DZIP1: variants seen among roughly 807,000 people sequenced by gnomAD.
DZIP1 encodes the protein cilium assembly protein DZIP1.
Under a neutral mutation model 107.6 loss-of-function variants are expected in DZIP1, and 97 were observed. The observed-to-expected ratio is 0.90, with a 90% confidence interval of 0.77 to 1.07. The LOEUF (loss-of-function observed/expected upper bound fraction) is 1.07. Among genes scored for constraint, DZIP1 ranks in the 50% least tolerant of loss-of-function variants. DZIP1 has a pLI of 0.00. For missense variants in DZIP1, 1,035 were observed against 1,063.6 expected (o/e 0.97, Z 0.37); for synonymous variants, 390 against 386.4 (o/e 1.01, Z -0.11).
At chr13:95,582,418 T>G in intron 22 of DZIP1, 105 bp from the exon 23 acceptor site, 1 of 938,110 alleles carries the variant, frequency 1.1e-6, no homozygotes, top group Non-Finnish European at 1.7e-6. Flanking sequence ...AATCACTCAG[T>G]GTCTAAATCT....
intron 16 of DZIP1, 86 bp downstream of exon 16, chr13:95,593,858 T>G: frequency 6.8e-7 from 1 of 1,470,966 alleles, no homozygotes. Context: ...AGAATTGATG[T>G]GCTTTCTTCT....
chr13:95,607,001 A>T (rs1219519873), intron 13 of DZIP1, among the ~76,000 whole-genome samples: 1 of 152,132 alleles, frequency 6.6e-6, no homozygotes, highest in African/African-American at 2.4e-5. Context: ...TTTTAATTCT[A>T]ATCTTACCCT....
chr13:95,610,313 G>GTT (rs60681714), intron 12 of DZIP1, among the ~76,000 whole-genome samples: 54 of 146,004 alleles, frequency 3.7e-4, no homozygotes, highest in East Asian at 2.0e-3. Context: ...GAGTTTTTTG[G>GTT]TTTTTTTTTT....
intron 9 of DZIP1, among the ~76,000 whole-genome samples, chr13:95,620,616 A>G (rs1314586779): frequency 3.3e-5 from 5 of 152,178 alleles, no homozygotes; most frequent in Admixed American, 6.5e-5. Flanking sequence ...GTCATTCCAC[A>G]ACTGTATTGG....
intron 21 of DZIP1, 92 bp downstream of exon 21, chr13:95,585,914 A>G (rs2044147041): frequency 2.3e-6 from 3 of 1,291,004 alleles, no homozygotes; most frequent in Middle Eastern, 2.7e-4. Flanking sequence ...CCAGCTAACT[A>G]TCTGTTTTAT....
At position 95,622,412 on chromosome 13, in the gene DZIP1, G is replaced by C. The variant is rs199815853; in HGVS notation, c.1041C>G (p.His347Gln). 3 of 1,614,156 alleles carry C rather than the reference G, an allele frequency of 1.9e-6. No homozygotes were observed. The highest frequency in any genetic ancestry group is 2.5e-6 in the Non-Finnish European group (3 of 1,180,008). The change falls in exon 9 of 23, where the codon CAC (histidine) becomes CAG (glutamine). Residue 347 changes from histidine to glutamine, a missense_variant. Physicochemically the swap from His to Gln is conservative, Grantham distance 24 (BLOSUM62 0). Transcript: ENST00000376829. ...KSNIGTLKDA[H>Q]EFKEDRSPYP... ...ATGGAGAACGGTCTTCTTTAAACTC[G>C]TGTGCATCTTTTAATGTGCCTATGT... is the stretch of plus-strand genomic sequence containing the variant.
At chr13:95,632,185 C>T (rs1877272487) in intron 6 of DZIP1, among the ~76,000 whole-genome samples, 1 of 152,126 alleles carries the variant, frequency 6.6e-6, no homozygotes, top group Non-Finnish European at 1.5e-5. Context: ...ACCAGCTCTA[C>T]TCCAGTGATT....
chr13:95,612,593 GT>G (rs200402819), intron 10 of DZIP1, among the ~76,000 whole-genome samples: 1 of 150,950 alleles, frequency 6.6e-6, no homozygotes, highest in Non-Finnish European at 1.5e-5. Context: ...TTTTGTTGTT[GT>G]TTTTTTTTGA....
chr13:95,622,882 A>G (rs771767910), intron 8 of DZIP1, among the ~76,000 whole-genome samples: 1 of 151,878 alleles, frequency 6.6e-6, no homozygotes, highest in Non-Finnish European at 1.5e-5. Flanking sequence ...AGCTGGGACT[A>G]CAGGCGTGCA....
chr13:95,620,074 A>G (rs1422466208), intron 9 of DZIP1, 127 bp from the exon 10 acceptor site: 6 of 989,424 alleles, frequency 6.1e-6, no homozygotes, highest in Non-Finnish European at 8.9e-6. Context: ...TAGCTAGTGA[A>G]ACAGTTTGGC....
intron 13 of DZIP1, among the ~76,000 whole-genome samples, chr13:95,607,165 G>T (rs2044808534): frequency 6.6e-6 from 1 of 152,110 alleles, no homozygotes; most frequent in Non-Finnish European, 1.5e-5. Flanking sequence ...TCCTGCCTCA[G>T]CCTCCTGAGT....
intron 9 of DZIP1, among the ~76,000 whole-genome samples, chr13:95,620,417 A>G (rs565039708): frequency 1.3e-5 from 2 of 152,222 alleles, no homozygotes; most frequent in Non-Finnish European, 2.9e-5. Flanking sequence ...GTAGTATTAG[A>G]ACAGACTAAT....
At chr13:95,639,793 C>T (rs1878271890) in intron 5 of DZIP1, among the ~76,000 whole-genome samples, 1 of 151,780 alleles carries the variant, frequency 6.6e-6, no homozygotes, top group African/African-American at 2.4e-5. Context: ...AAATAGAATC[C>T]ATTATATTCG....
Position 95,584,849 on chromosome 13 carries a change from C to T in DZIP1, c.2411G>A (p.Gly804Glu), listed in dbSNP as rs1016281699. 4 of 1,613,866 alleles carry T rather than the reference C, an allele frequency of 2.5e-6. No individual in the cohort carries two copies. Among genetic ancestry groups the T allele is most frequent in the Non-Finnish European group, 3.4e-6 (4 of 1,179,956 alleles). Residue 804 changes from glycine (G) to glutamate (E), a missense_variant, in exon 22 of 23, where the codon GGA becomes GAA. Gly to Glu is a moderately conservative substitution (Grantham distance 98). Transcript: ENST00000376829. ...CTTCTGTTCTTTCCCAGATTTTTTT[C>T]CCAAAGATATCTCTTCCTCTAGGGA... ...ISSLEEEISL[G>E]KKSGKEQKEP...
intron 15 of DZIP1, among the ~76,000 whole-genome samples, chr13:95,598,770 A>G (rs2044531204): frequency 6.6e-6 from 1 of 152,188 alleles, no homozygotes; most frequent in South Asian, 2.1e-4. Context: ...TTCTTCATAG[A>G]CTTTAAAAAC....
At chr13:95,617,990 A>G (rs757863492) in intron 10 of DZIP1, 59 of 518,958 alleles carry the variant, frequency 1.1e-4, no homozygotes, top group Admixed American at 1.1e-3. Flanking sequence ...AACAAACCCA[A>G]GAACTTCATC....
chr13:95,598,839 A>G (rs1378644768), intron 15 of DZIP1, among the ~76,000 whole-genome samples: 1 of 152,196 alleles, frequency 6.6e-6, no homozygotes, highest in Non-Finnish European at 1.5e-5. Context: ...AGTAATAATT[A>G]TCTCCCAACA....
At chr13:95,610,899 G>C (rs2044980825) in intron 12 of DZIP1, among the ~76,000 whole-genome samples, 1 of 152,126 alleles carries the variant, frequency 6.6e-6, no homozygotes, top group Non-Finnish European at 1.5e-5. Flanking sequence ...TTGCACCATA[G>C]GTTGACCCTC....
chr13:95,607,501 T>C (rs2044819453), intron 13 of DZIP1, among the ~76,000 whole-genome samples: 1 of 152,250 alleles, frequency 6.6e-6, no homozygotes, highest in Non-Finnish European at 1.5e-5. Context: ...TGGCAAACTA[T>C]AGCCCATGAG....
Sources: gnomAD v4.1 joint callset for allele counts (sites outside exome capture counted in the v4.1 genomes callset) on GRCh38, gnomAD v4.1.1 for gene constraint, MANE v1.5 for transcripts, NCBI Gene and HGNC (gene_info 2026-07-23, HGNC 2026-07-21) for gene names.